Variants in CDK13 observed in about 807,000 individuals in gnomAD.
The protein encoded by CDK13 is cyclin dependent kinase 13.
CDK13 carries 40 observed loss-of-function variants against 137.6 expected under a neutral mutation model. That is an observed-to-expected ratio of 0.29 (90% CI 0.23 to 0.38). CDK13 has a LOEUF of 0.38. Among genes scored for constraint, CDK13 ranks in the 10% least tolerant of loss-of-function variants. The pLI is 1.00. For missense variants in CDK13, 1,704 were observed against 1,951.8 expected (o/e 0.87, Z 2.39); for synonymous variants, 869 against 760.1 (o/e 1.14, Z -2.36).
intron 2 of CDK13, among the ~76,000 whole-genome samples, chr7:39,995,412 T>G (rs1784539991): frequency 6.6e-6 from 1 of 152,146 alleles, no homozygotes; most frequent in Non-Finnish European, 1.5e-5. Flanking sequence ...AATAGGCCTA[T>G]TTTCAGTTGG....
At chr7:40,071,947 T>A (rs1034645489) in intron 9 of CDK13, 1 of 152,198 alleles carries the variant, frequency 6.6e-6, no homozygotes, top group East Asian at 1.9e-4. Flanking sequence ...TAGTGGTCCA[T>A]GAAAAAAGCA....
At chr7:40,066,596 T>C (rs1156725127) in intron 9 of CDK13, 1 of 152,248 alleles carries the variant, frequency 6.6e-6, no homozygotes, top group Admixed American at 6.5e-5. Flanking sequence ...GACATTGCTG[T>C]CTAATTAGGG....
intron 11 of CDK13, among the ~76,000 whole-genome samples, chr7:40,082,983 A>G (rs972620212): frequency 1.3e-4 from 20 of 151,810 alleles, no homozygotes; most frequent in Admixed American, 1.3e-4. Flanking sequence ...CACGCCTGTA[A>G]TCCCAGCTAC....
chr7:39,962,905 G>A (rs1405528431), intron 1 of CDK13, among the ~76,000 whole-genome samples: 5 of 152,036 alleles, frequency 3.3e-5, no homozygotes, highest in African/African-American at 1.2e-4. Flanking sequence ...TCTTGTTTTT[G>A]TCAGGTTTGT....
At position 39,988,118 on chromosome 7, in the gene CDK13, A is replaced by G; in HGVS notation, c.1731A>G (p.Ser577=). The part of the protein sequence containing the change: ...ESKSAATKEE[S]VSLKEKTKPL... ...AATCTGCTGCTACAAAGGAGGAATC[A>G]GTATCTCTTAAAGAGAAAACCAAAC... The change falls in exon 2 of 14, where the codon TCA becomes TCG. Residue 577 remains serine (S), a synonymous_variant. Transcript: ENST00000181839. The G allele has an allele frequency of 6.2e-7, 1 of 1,614,158 alleles. No homozygotes were observed. The highest frequency in any genetic ancestry group is 8.5e-7 in the Non-Finnish European group (1 of 1,180,026).
chr7:40,004,818 A>G (rs1333148274), intron 5 of CDK13, among the ~76,000 whole-genome samples: 1 of 152,268 alleles, frequency 6.6e-6, no homozygotes, highest in African/African-American at 2.4e-5. Context: ...ATTAACTTTT[A>G]AAAATATAAA....
chr7:40,088,617 C>T lies in CDK13; in HGVS notation c.3235+286C>T, dbSNP rs375661338. ...AGTGCAGGAGTGAGTAGGTCTTTTA[C>T]TGACACTACTCTCAGTGAGGCTCAG... On this transcript the variant is annotated intron_variant, in intron 12 of 13. Transcript: ENST00000181839. Among the ~76,000 whole-genome samples the T allele has an allele frequency of 3.9e-4, 60 of 152,246 alleles. 1 individual carries two copies. In the South Asian group the frequency reaches 0.012, roughly 30 times the overall value.
chr7:40,064,142 G>A (rs967683624), intron 9 of CDK13, among the ~76,000 whole-genome samples: 22 of 151,798 alleles, frequency 1.4e-4, no homozygotes, highest in African/African-American at 3.9e-4. Flanking sequence ...AAATTAGCCC[G>A]GCGTGGTGGC....
At position 39,950,414 on chromosome 7, in the gene CDK13, G is replaced by A; in HGVS notation, c.-228G>A. On this transcript the variant is annotated 5_prime_UTR_variant, in exon 1 of 14. Transcript: ENST00000181839. ...GACGACGAGCGCAATCGGGAGCTCC[G>A]CCGCCCGGATTCCTGCTTCCCTGGG... 2 of 1,231,234 alleles carry A rather than the reference G, an allele frequency of 1.6e-6. No homozygotes were observed. Among genetic ancestry groups the A allele is most frequent in the South Asian group, 4.0e-5 (1 of 25,020 alleles). The allele number at this position is 1,231,234 out of a possible 1,614,324, so 76.3% of individuals were successfully genotyped here.
At chr7:40,042,341 A>G (rs1374557085) in intron 5 of CDK13, among the ~76,000 whole-genome samples, 1 of 151,826 alleles carries the variant, frequency 6.6e-6, no homozygotes, top group African/African-American at 2.4e-5. Context: ...TCGGCCTCCC[A>G]AAGTGCTGGG....
chr7:40,070,843 A>G (rs538312365), intron 9 of CDK13: 2 of 152,234 alleles, frequency 1.3e-5, no homozygotes, highest in South Asian at 4.1e-4. Context: ...GTTTTTAAAC[A>G]TGAGGATCAC....
At chr7:40,031,085 G>T (rs1297319295) in intron 5 of CDK13, among the ~76,000 whole-genome samples, 2 of 152,222 alleles carry the variant, frequency 1.3e-5, no homozygotes, top group African/African-American at 2.4e-5. Context: ...GTCTTCCGTA[G>T]TGTCTGCATA....
At chr7:40,051,863 A>G (rs987975205) in intron 7 of CDK13, among the ~76,000 whole-genome samples, 1 of 152,228 alleles carries the variant, frequency 6.6e-6, no homozygotes, top group Non-Finnish European at 1.5e-5. Context: ...TCATTTTCTC[A>G]TTTTGAACAT....
chr7:40,013,578 A>G (rs190231054), intron 5 of CDK13, among the ~76,000 whole-genome samples: 3 of 152,322 alleles, frequency 2.0e-5, no homozygotes, highest in East Asian at 1.9e-4. Flanking sequence ...TTATCAGAAT[A>G]TAGATTGGTG....
intron 9 of CDK13, among the ~76,000 whole-genome samples, chr7:40,075,097 T>C (rs1243161617): frequency 2.6e-5 from 4 of 152,100 alleles, no homozygotes; most frequent in Admixed American, 2.6e-4. Flanking sequence ...AAGAGGTGGA[T>C]AGGAGATTTG....
At chr7:40,010,586 A>G (rs980836763) in intron 5 of CDK13, among the ~76,000 whole-genome samples, 1 of 152,238 alleles carries the variant, frequency 6.6e-6, no homozygotes, top group Non-Finnish European at 1.5e-5. Context: ...TGGGATGCAT[A>G]GGCAGATTTC....
At chr7:40,068,470 C>T (rs993006433) in intron 9 of CDK13, among the ~76,000 whole-genome samples, 7 of 151,478 alleles carry the variant, frequency 4.6e-5, no homozygotes, top group East Asian at 1.9e-4. Context: ...CCAAGGCGGG[C>T]GGATCACTTG....
At chr7:40,014,845 A>C (rs1409966190) in intron 5 of CDK13, among the ~76,000 whole-genome samples, 1 of 152,108 alleles carries the variant, frequency 6.6e-6, no homozygotes, top group Non-Finnish European at 1.5e-5. Context: ...ATTGATTATA[A>C]TTGTATGTTT....
chr7:40,051,671 C>T (rs1366397631), intron 7 of CDK13, among the ~76,000 whole-genome samples: 2 of 152,184 alleles, frequency 1.3e-5, no homozygotes, highest in African/African-American at 4.8e-5. Flanking sequence ...GTAATAGCAT[C>T]AACCACAGCT....
Sources: gnomAD v4.1 joint callset for allele counts (sites outside exome capture counted in the v4.1 genomes callset) on GRCh38, gnomAD v4.1.1 for gene constraint, MANE v1.5 for transcripts, NCBI Gene and HGNC (gene_info 2026-07-23, HGNC 2026-07-21) for gene names.